PLEKHG1: variants seen among roughly 807,000 people sequenced by gnomAD.
The protein encoded by PLEKHG1 is pleckstrin homology and RhoGEF domain containing G1.
In PLEKHG1, 44 loss-of-function variants were observed where a neutral mutation model predicts 100.8. The observed-to-expected ratio is 0.44, with a 90% confidence interval of 0.34 to 0.56. The LOEUF is 0.56. Ranked by LOEUF, PLEKHG1 falls within the 20% of genes least tolerant of loss-of-function variation. The pLI, the probability that PLEKHG1 is intolerant of heterozygous loss-of-function variation, is 0.01. For synonymous variants in PLEKHG1, 640 were observed against 662.5 expected (o/e 0.97, Z 0.52); for missense variants, 1,545 against 1,720.9 (o/e 0.90, Z 1.81).
At chr6:150,711,781 A>T (rs1781250098) in intron 3 of PLEKHG1, among the ~76,000 whole-genome samples, 1 of 152,220 alleles carries the variant, frequency 6.6e-6, no homozygotes. Context: ...ATAAATATTA[A>T]GTAATTGAAT....
intron 3 of PLEKHG1, among the ~76,000 whole-genome samples, chr6:150,659,051 A>G (rs921881873): frequency 2.8e-4 from 42 of 152,054 alleles, no homozygotes; most frequent in African/African-American, 9.4e-4. Flanking sequence ...CCCAACTGCA[A>G]CCCCAAGCCC....
chr6:150,716,738 G>A (rs1476033757), upstream of PLEKHG1, among the ~76,000 whole-genome samples: 1 of 152,204 alleles, frequency 6.6e-6, no homozygotes, highest in Non-Finnish European at 1.5e-5. Context: ...TCACACTACT[G>A]TGGCAGTGGC....
In PLEKHG1 at chr6:150,780,405, C is replaced by T. The variant is rs1481372796; in HGVS notation, c.513-5985C>T. Among the ~76,000 whole-genome samples the T allele has an allele frequency of 7.2e-5, 11 of 152,226 alleles. No individual in the cohort carries two copies. The East Asian group carries it at 1.4e-3, about 19-fold the overall frequency. On this transcript the variant is annotated intron_variant, in intron 3 of 15. Transcript: ENST00000358517. The stretch of plus-strand genomic sequence containing the variant: ...TTGGGATTACAGGCGTGAGCCACTG[C>T]ACCTGGCCCTCTGGCTTTCATTTCC...
At chr6:150,609,910 G>A (rs1357832951) in intron 1 of PLEKHG1, among the ~76,000 whole-genome samples, 10 of 152,102 alleles carry the variant, frequency 6.6e-5, no homozygotes, top group Non-Finnish European at 1.3e-4. Flanking sequence ...ACCTGTTCAC[G>A]GTCGCCGTTT....
At chr6:150,817,911 A>G (rs745312661) in intron 10 of PLEKHG1, among the ~76,000 whole-genome samples, 25 of 151,850 alleles carry the variant, frequency 1.6e-4, no homozygotes, top group Non-Finnish European at 2.2e-4. Flanking sequence ...ATGATCAGCC[A>G]GGCTTCGGAA....
At chr6:150,821,347 A>G (rs1344208981) in intron 13 of PLEKHG1, 114 bp downstream of exon 14, 2 of 747,170 alleles carry the variant, frequency 2.7e-6, no homozygotes, top group Non-Finnish European at 2.3e-6. Flanking sequence ...TGATTTGATT[A>G]CAAAAAGATT....
intron 3 of PLEKHG1, among the ~76,000 whole-genome samples, chr6:150,681,357 C>T (rs895877471): frequency 6.6e-6 from 1 of 151,522 alleles, no homozygotes; most frequent in Non-Finnish European, 1.5e-5. Flanking sequence ...ACCGAAAATA[C>T]AAAATTTAGC....
At chr6:150,685,675 G>A (rs7749222) in intron 3 of PLEKHG1, among the ~76,000 whole-genome samples, 57,352 of 152,066 alleles carry the variant, frequency 0.38, 11,635 homozygotes, top group African/African-American at 0.54. Context: ...AAATAATAAG[G>A]TAAATGTCAA....
At chr6:150,700,210 C>T (rs1161647524) in intron 3 of PLEKHG1, among the ~76,000 whole-genome samples, 1 of 152,210 alleles carries the variant, frequency 6.6e-6, no homozygotes, top group African/African-American at 2.4e-5. Context: ...CCCCTTACTG[C>T]TACAGAGCAG....
At chr6:150,705,401 T>C (rs1780962497) in intron 3 of PLEKHG1, among the ~76,000 whole-genome samples, 1 of 152,272 alleles carries the variant, frequency 6.6e-6, no homozygotes, top group East Asian at 1.9e-4. Flanking sequence ...CCCTGTTCTC[T>C]GACACTGTCT....
At chr6:150,634,984 T>G (rs73606254) in intron 1 of PLEKHG1, among the ~76,000 whole-genome samples, 3,027 of 152,284 alleles carry the variant, frequency 0.02, 90 homozygotes, top group African/African-American at 0.062. Context: ...GTTGAAGTAG[T>G]TAAGGGACTC....
Position 150,653,596 on chromosome 6 carries a change from C to T in PLEKHG1, c.-99+2810C>T, listed in dbSNP as rs539801441. ...TGAGACCCCATCTCTGCAAAAAATA[C>T]AAAACTCAGCTGGACGTGGTGGTGA... On this transcript the variant is annotated intron_variant, in intron 3 of 3. Coordinates refer to the PLEKHG1 transcript ENST00000367326. Among the ~76,000 whole-genome samples the T allele has an allele frequency of 1.3e-4, 20 of 152,080 alleles. No individual in the cohort carries two copies. The South Asian group carries it at 4.2e-3, about 32-fold the overall frequency.
intron 3 of PLEKHG1, among the ~76,000 whole-genome samples, chr6:150,709,100 G>A (rs1467250653): frequency 2.6e-5 from 4 of 152,328 alleles, no homozygotes; most frequent in South Asian, 2.1e-4. Context: ...TTGGGAAGCC[G>A]AGGCGGACGG....
At chr6:150,798,408 G>A (rs1394332088) in intron 5 of PLEKHG1, among the ~76,000 whole-genome samples, 4 of 152,150 alleles carry the variant, frequency 2.6e-5, no homozygotes, top group Non-Finnish European at 1.5e-5. Context: ...TGCAAATTCA[G>A]AAGATTTTGT....
At chr6:150,689,625 G>A (rs1468943096) in intron 3 of PLEKHG1, among the ~76,000 whole-genome samples, 1 of 152,172 alleles carries the variant, frequency 6.6e-6, no homozygotes, top group African/African-American at 2.4e-5. Context: ...CACTTTGGGA[G>A]GCCAAGGTGG....
At chr6:150,603,831 C>A (rs2128549901) in intron 1 of PLEKHG1, among the ~76,000 whole-genome samples, 3 of 152,328 alleles carry the variant, frequency 2.0e-5, no homozygotes, top group Non-Finnish European at 4.4e-5. Context: ...CCATAACTCT[C>A]CTCTTCTTTT....
Position 150,809,215 on chromosome 6 carries a change from C to T in PLEKHG1, c.1023C>T (p.Leu341=), listed in dbSNP as rs757756540. The change falls in exon 8 of 16, where the codon CTC becomes CTT. Residue 341 remains leucine (L), a synonymous_variant. Transcript: ENST00000358517. ...AGCGAGCCAAGAATGAGCGGACGCT[C>T]TTCCTCTTCGACAAGCTGCTGCTCA... 1.4e-5 allele frequency: 23 copies of T among 1,614,074 alleles called. No homozygotes were observed. The Admixed American group carries it at 3.5e-4, about 25-fold the overall frequency.
intron 2 of PLEKHG1, among the ~76,000 whole-genome samples, chr6:150,643,364 A>C (rs534713204): frequency 4.5e-4 from 68 of 152,284 alleles, no homozygotes; most frequent in African/African-American, 1.6e-3. Flanking sequence ...TCAGTGTAAC[A>C]CATCTTAATA....
At chr6:150,742,564 C>CAAAA (rs58003146) in intron 2 of PLEKHG1, among the ~76,000 whole-genome samples, 1 of 48,354 alleles carries the variant, frequency 2.1e-5, no homozygotes, top group African/African-American at 8.5e-5. Flanking sequence ...GACTCCATCT[C>CAAAA]AAAAAAAAAA....
Sources: allele counts gnomAD v4.1 joint callset (sites outside exome capture counted in the v4.1 genomes callset), GRCh38; gene constraint gnomAD v4.1.1; transcripts MANE v1.5; gene names NCBI Gene and HGNC (gene_info 2026-07-23, HGNC 2026-07-21).